Variants in PDCD10 observed in about 807,000 individuals in gnomAD.
PDCD10 encodes the protein programmed cell death 10.
A neutral mutation model predicts 29.2 loss-of-function variants in PDCD10; 4 were observed. The ratio of observed to expected loss-of-function variants is 0.14; its 90% CI spans 0.07 to 0.31. The LOEUF is 0.31. Ranked by LOEUF, PDCD10 falls within the 10% of genes least tolerant of loss-of-function variation. The pLI, the probability that PDCD10 is intolerant of heterozygous loss-of-function variation, is 1.00. For synonymous variants in PDCD10, 70 were observed against 82.2 expected (o/e 0.85, Z 0.80); for missense variants, 183 against 257.9 (o/e 0.71, Z 1.99).
chr3:167,705,664 A>C (rs936876749), intron 3 of PDCD10, among the ~76,000 whole-genome samples: 1 of 152,214 alleles, frequency 6.6e-6, no homozygotes, highest in East Asian at 1.9e-4. Flanking sequence ...CTGCCAAAAA[A>C]CAATGAACCA....
Position 167,684,198 on chromosome 3 carries a change from T to A in PDCD10, c.*110A>T. Reference sequence around the variant, plus strand: ...AATAATCCCATTCAACATCCTGGATTAGATCCCTTCAGGAGGGACTGATAA... The same window carrying A: ...AATAATCCCATTCAACATCCTGGATAAGATCCCTTCAGGAGGGACTGATAA... On this transcript the variant is annotated 3_prime_UTR_variant, in exon 9 of 9. Coordinates refer to ENST00000392750, the MANE Select transcript of PDCD10 (RefSeq NM_007217.4). 1 of 709,728 alleles carries A rather than the reference T, an allele frequency of 1.4e-6. No individual in the cohort carries two copies. The highest frequency in any genetic ancestry group is 2.6e-6 in the Non-Finnish European group (1 of 383,706). 44.0% of individuals were successfully genotyped at this position (709,728 alleles called of 1,614,324 possible).
intron 2 of PDCD10, among the ~76,000 whole-genome samples, chr3:167,723,594 G>A (rs193165625): frequency 1.2e-3 from 182 of 152,290 alleles, no homozygotes; most frequent in Middle Eastern, 6.8e-3. Context: ...ACAACATCTA[G>A]CTAATAATTA....
At chr3:167,720,294 A>G (rs1025964791) in intron 2 of PDCD10, 21 bp from the exon 3 acceptor site, 10 of 666,014 alleles carry the variant, frequency 1.5e-5, no homozygotes, top group Non-Finnish European at 2.4e-5. Context: ...AGGAAGAAAG[A>G]ACAGAGACTT....
At chr3:167,691,842 C>T (rs1039840073) in intron 6 of PDCD10, among the ~76,000 whole-genome samples, 6 of 152,208 alleles carry the variant, frequency 3.9e-5, no homozygotes, top group African/African-American at 1.4e-4. Context: ...AGCTCTACCA[C>T]TTAATAGGTA....
chr3:167,695,567 A>G (rs1178940345), intron 6 of PDCD10, 29 bp downstream of exon 6: 2 of 1,607,302 alleles, frequency 1.2e-6, no homozygotes, highest in South Asian at 1.1e-5. Flanking sequence ...CTTTTAAGAA[A>G]AGAAGAAACA....
intron 2 of PDCD10, chr3:167,725,296 T>C (rs920743952): frequency 6.9e-6 from 1 of 144,744 alleles, no homozygotes; most frequent in African/African-American, 2.5e-5. Flanking sequence ...AAATCACTCA[T>C]CAAACTCTTA....
intron 6 of PDCD10, among the ~76,000 whole-genome samples, chr3:167,694,925 G>C (rs950283311): frequency 6.6e-6 from 1 of 152,200 alleles, no homozygotes; most frequent in African/African-American, 2.4e-5. Context: ...AGTATTCCCA[G>C]CTTTCTTTGT....
chr3:167,720,035 A>G, intron 3 of PDCD10, 27 bp downstream of exon 3: 1 of 1,299,702 alleles, frequency 7.7e-7, no homozygotes, highest in Non-Finnish European at 1.1e-6. Context: ...TGCAGAGTTC[A>G]TGCAAGAACA....
intron 4 of PDCD10, among the ~76,000 whole-genome samples, chr3:167,703,630 T>C (rs1490239223): frequency 1.3e-5 from 2 of 152,050 alleles, no homozygotes; most frequent in African/African-American, 4.8e-5. Flanking sequence ...TGGGAAGGAA[T>C]GCAAAAATAA....
intron 3 of PDCD10, among the ~76,000 whole-genome samples, chr3:167,707,031 G>T (rs1045790738): frequency 6.6e-6 from 1 of 152,138 alleles, no homozygotes; most frequent in African/African-American, 2.4e-5. Flanking sequence ...TCTTCAACCT[G>T]GTTCTTTAAG....
In PDCD10 at chr3:167,685,502, A is replaced by G. The variant is rs192634129; in HGVS notation, c.558-1113T>C. Among the ~76,000 whole-genome samples the G allele has an allele frequency of 1.3e-5, 2 of 152,246 alleles. 1 individual carries two copies. The highest frequency in any genetic ancestry group is 1.3e-4 in the Admixed American group (2 of 15,286). ...ATGGCCTAAAGATCAGGTTCTATCA[A>G]TAATTTTCTGTTTTGAGGAAACAGG... On this transcript the variant is annotated intron_variant, in intron 8 of 8. Coordinates refer to ENST00000392750, the MANE Select transcript of PDCD10 (RefSeq NM_007217.4).
At chr3:167,685,130 G>T (rs1559942660) in intron 8 of PDCD10, among the ~76,000 whole-genome samples, 1 of 152,122 alleles carries the variant, frequency 6.6e-6, no homozygotes, top group Non-Finnish European at 1.5e-5. Context: ...AAGGCCCAGG[G>T]ACTGGACCTG....
intron 7 of PDCD10, 124 bp from the exon 8 acceptor site, chr3:167,687,440 G>T: frequency 1.4e-6 from 1 of 735,540 alleles, no homozygotes; most frequent in Non-Finnish European, 2.4e-6. Context: ...TTACTAATAA[G>T]CAATTGTGGA....
chr3:167,697,958 T>A, intron 4 of PDCD10: 1 of 456,738 alleles, frequency 2.2e-6, no homozygotes, highest in Non-Finnish European at 4.4e-6. Flanking sequence ...ATTATGCTGA[T>A]GATTTTCTTT....
chr3:167,722,669 T>C (rs541356182), intron 2 of PDCD10, among the ~76,000 whole-genome samples: 3 of 152,220 alleles, frequency 2.0e-5, no homozygotes, highest in East Asian at 1.9e-4. Flanking sequence ...GAAATACTTA[T>C]GAGAAAAGTA....
chr3:167,719,568 G>A (rs917972798), intron 3 of PDCD10, among the ~76,000 whole-genome samples: 2 of 151,918 alleles, frequency 1.3e-5, no homozygotes, highest in Admixed American at 6.6e-5. Flanking sequence ...TCCAAATATC[G>A]GTTTAAAAAG....
intron 2 of PDCD10, among the ~76,000 whole-genome samples, chr3:167,732,462 C>T (rs1724923031): frequency 6.6e-6 from 1 of 152,178 alleles, no homozygotes; most frequent in Non-Finnish European, 1.5e-5. Context: ...ACCACGTGTA[C>T]ACATAACTCT....
intron 2 of PDCD10, among the ~76,000 whole-genome samples, chr3:167,723,580 G>A (rs1723795921): frequency 6.6e-6 from 1 of 152,104 alleles, no homozygotes; most frequent in African/African-American, 2.4e-5. Flanking sequence ...ACTTGCTCCT[G>A]GTCACAACAT....
intron 2 of PDCD10, among the ~76,000 whole-genome samples, chr3:167,723,097 G>T (rs1208113492): frequency 6.6e-6 from 1 of 152,158 alleles, no homozygotes; most frequent in African/African-American, 2.4e-5. Context: ...AACAACTGGG[G>T]CCACTCAGTT....
Sources: gnomAD v4.1 joint callset for allele counts (sites outside exome capture counted in the v4.1 genomes callset) on GRCh38, gnomAD v4.1.1 for gene constraint, MANE v1.5 for transcripts, NCBI Gene and HGNC (gene_info 2026-07-23, HGNC 2026-07-21) for gene names.